Variants in FBXO2 observed in about 807,000 individuals in gnomAD.
FBXO2 encodes F-box protein 2.
A neutral mutation model predicts 38.6 loss-of-function variants in FBXO2; 32 were observed. The ratio of observed to expected loss-of-function variants is 0.83; its 90% CI spans 0.62 to 1.11. FBXO2 has a LOEUF of 1.11. FBXO2 is among the 50% of genes most tolerant of loss of function. The pLI is 0.00. For synonymous variants in FBXO2, 189 were observed against 182.9 expected, an observed-to-expected ratio of 1.03 and a Z score of -0.27; for missense variants, 450 against 418.3, an observed-to-expected ratio of 1.08 and a Z score of -0.66.
intron 1 of FBXO2, among the ~76,000 whole-genome samples, chr1:11,652,828 T>C (rs1639550320): frequency 6.6e-6 from 1 of 152,022 alleles, no homozygotes; most frequent in Admixed American, 6.6e-5. Flanking sequence ...ATATGCAGCC[T>C]CTCCTCCCTG....
intron 1 of FBXO2, among the ~76,000 whole-genome samples, chr1:11,651,501 C>A (rs1462464422): frequency 6.6e-6 from 1 of 152,162 alleles, no homozygotes; most frequent in Non-Finnish European, 1.5e-5. Context: ...CATACCACTT[C>A]TTTGAGGTTG....
At position 11,650,638 on chromosome 1, in the gene FBXO2, C is replaced by A; in HGVS notation, c.219G>T (p.Leu73=). The A allele has an allele frequency of 6.3e-7, 1 of 1,576,802 alleles. No individual in the cohort carries two copies. Among genetic ancestry groups the A allele is most frequent in the East Asian group, 2.3e-5 (1 of 43,436 alleles). ...CCAGCTCCTTCCAGCGCAGGCACAC[C>A]AGGCGGCAGGCCTGCACCAGCTCGG... The part of the protein sequence containing the change: ...PAAELVQACR[L]VCLRWKELVD... The change falls in exon 2 of 6, where the codon CTG becomes CTT. Residue 73 remains leucine (L), a synonymous_variant. Coordinates refer to ENST00000354287, the MANE Select transcript of FBXO2 (RefSeq NM_012168.6).
In FBXO2 at chr1:11,648,809, T is replaced by G. The variant is rs777652460; in HGVS notation, c.776A>C (p.Asp259Ala). Residue 259 changes from aspartate to alanine, a missense_variant, in exon 6 of 6, where the codon GAC (aspartate) becomes GCC (alanine). By Grantham distance (126) the Asp-to-Ala change is moderately radical. Transcript: ENST00000354287. The surrounding 1 kb of genome is among the most constrained non-coding windows in gnomAD (Gnocchi z 4.2). ...GACGAAGCGGACGCCCGGCCCGTAG[T>G]CGGTGAAGGTGTGGGAGATCTGGGG... is the stretch of plus-strand genomic sequence containing the variant. ...GWMEISHTFT[D>A]YGPGVRFVRF... 1 of 1,613,648 alleles carries G rather than the reference T, an allele frequency of 6.2e-7. No individual in the cohort carries two copies. The highest frequency in any genetic ancestry group is 8.5e-7 in the Non-Finnish European group (1 of 1,180,006).
chr1:11,649,515 ACT>A (rs1192390063), intron 4 of FBXO2: 1 of 587,478 alleles, frequency 1.7e-6, no homozygotes, highest in Non-Finnish European at 3.0e-6. Context: ...TGGACCGCAG[ACT>A]GATTTTGAAA....
intron 1 of FBXO2, among the ~76,000 whole-genome samples, chr1:11,651,060 C>T (rs947553673): frequency 6.6e-6 from 1 of 152,230 alleles, no homozygotes; most frequent in Non-Finnish European, 1.5e-5. Context: ...AGGCCTATTT[C>T]CTCTGCTGGA....
chr1:11,649,907 C>T, intron 3 of FBXO2, 33 bp from the exon 4 acceptor site: 1 of 1,613,936 alleles, frequency 6.2e-7, no homozygotes, highest in South Asian at 1.1e-5. Context: ...AGAGCGAACG[C>T]TCCCCCCTTC....
At chr1:11,653,300 T>G (rs1397901755) in intron 1 of FBXO2, 1 of 152,010 alleles carries the variant, frequency 6.6e-6, no homozygotes, top group East Asian at 1.9e-4. Context: ...CCCCCCACCC[T>G]CTCTCTTACA....
chr1:11,651,411 A>G (rs1157049404), intron 1 of FBXO2, among the ~76,000 whole-genome samples: 7 of 152,226 alleles, frequency 4.6e-5, no homozygotes, highest in African/African-American at 1.7e-4. Flanking sequence ...GTCTGTTGTC[A>G]GGAACTCATG....
rs755537773 is a variant in FBXO2 at position 11,649,886 on chromosome 1, G to T, written c.522-12C>A. 2 of 1,614,010 alleles carry T rather than the reference G, an allele frequency of 1.2e-6. No homozygotes were observed. The highest frequency in any genetic ancestry group is 2.2e-5 in the South Asian group (2 of 91,080). ...CTTTGCGACACCACCTGGGAGAACT[G>T]GAGTTAGGACAGAGCGAACGCTCCC... On this transcript the variant is annotated splice_polypyrimidine_tract_variant and intron_variant, in intron 3 of 5. Coordinates refer to ENST00000354287, the MANE Select transcript of FBXO2 (RefSeq NM_012168.6).
Position 11,648,926 on chromosome 1 carries a change from G to T in FBXO2, c.757-98C>A. 6.5e-7 allele frequency: 1 copy of T among 1,548,318 alleles called. No individual in the cohort carries two copies. The highest frequency in any genetic ancestry group is 1.4e-5 in the African/African-American group (1 of 73,888). On this transcript the variant is annotated intron_variant, in intron 5 of 5. Transcript: ENST00000354287. The surrounding 1 kb of genome is among the most constrained non-coding windows in gnomAD (Gnocchi z 4.2). Reference sequence around the variant, plus strand: ...GACCGACCTGCAGCTCCCCCACTCGGTTTCTCCGCGGTATTCAGAACTCTC... The same window carrying T: ...GACCGACCTGCAGCTCCCCCACTCGTTTTCTCCGCGGTATTCAGAACTCTC...
At chr1:11,649,004 A>AGCCCAGCCCT (rs1345552017) in intron 5 of FBXO2, 83 bp downstream of exon 5, 94 of 1,283,718 alleles carry the variant, frequency 7.3e-5, no homozygotes, top group South Asian at 3.3e-4. Flanking sequence ...ACCCCAGCCC[A>AGCCCAGCCCT]GGAGCGCTGT....
At chr1:11,649,741 G>A (rs761284954) in intron 4 of FBXO2, 38 bp downstream of exon 4, 9 of 1,595,632 alleles carry the variant, frequency 5.6e-6, no homozygotes, top group Non-Finnish European at 7.7e-6. Context: ...GCCTTACCCC[G>A]CTCCTCCCAG....
chr1:11,649,030 G>A lies in FBXO2; in HGVS notation c.756+57C>T, dbSNP rs1639467805. ...GGAGCGCTGTGGGCGGGGTCTCCTC[G>A]AGCCACGCCCCTCATGTCCGTGCCC... On this transcript the variant is annotated intron_variant, in intron 5 of 5. Transcript: ENST00000354287. 4 of 1,496,580 alleles carry A rather than the reference G, an allele frequency of 2.7e-6. No individual in the cohort carries two copies. The African/African-American group carries it at 5.5e-5, about 21-fold the overall frequency. 92.7% of individuals were successfully genotyped at this position (1,496,580 alleles called of 1,614,324 possible).
intron 1 of FBXO2, among the ~76,000 whole-genome samples, chr1:11,651,234 G>A (rs1180060392): frequency 2.6e-5 from 4 of 152,120 alleles, no homozygotes; most frequent in Non-Finnish European, 5.9e-5. Context: ...AGCCTTCCGG[G>A]ACTTCCCCCT....
chr1:11,652,189 G>A (rs1277981967), intron 1 of FBXO2, among the ~76,000 whole-genome samples: 2 of 152,194 alleles, frequency 1.3e-5, no homozygotes, highest in Non-Finnish European at 2.9e-5. Flanking sequence ...CTTGTTGAAG[G>A]ACACACTGCC....
chr1:11,653,105 C>T (rs1417127529), intron 1 of FBXO2, among the ~76,000 whole-genome samples: 4 of 152,232 alleles, frequency 2.6e-5, no homozygotes, highest in African/African-American at 4.8e-5. Context: ...CCTGAAGTCA[C>T]ATCACCTGCC....
Position 11,650,477 on chromosome 1 carries a change from G to A in FBXO2, c.380C>T (p.Pro127Leu). ...CGAGGGCCTCTCACCTTCCCCACAC[G>A]GGTTACGCAGAAGGTTGCGGCGCCG... ...SKRRRNLLRN[P>L]CGEEDLEGWC... Residue 127 changes from proline to leucine, a missense_variant, in exon 2 of 6, where the codon CCG becomes CTG. By Grantham distance (98) the Pro-to-Leu change is moderately conservative (BLOSUM62 -3). Transcript: ENST00000354287. 1 of 1,609,310 alleles carries A rather than the reference G, an allele frequency of 6.2e-7. No individual in the cohort carries two copies. Among genetic ancestry groups the A allele is most frequent in the East Asian group, 2.2e-5 (1 of 44,742 alleles).
chr1:11,650,673 G>A lies in FBXO2; in HGVS notation c.184C>T (p.Leu62=). The change falls in exon 2 of 6, where the codon CTG becomes TTG. Residue 62 remains leucine (L), a synonymous_variant. Transcript: ENST00000354287. ...GCCTGCACCAGCTCGGCGGCCGGCA[G>A]TGCGGCCAGCACGCGCAGCAGCAGC... is the stretch of plus-strand genomic sequence containing the variant. ...EPLLLRVLAA[L]PAAELVQACR... is the part of the protein sequence containing the mutation. 6.5e-7 allele frequency: 1 copy of A among 1,542,894 alleles called. No individual in the cohort carries two copies. The highest frequency in any genetic ancestry group is 8.7e-7 in the Non-Finnish European group (1 of 1,150,138).
At position 11,654,300 on chromosome 1, in the gene FBXO2, C is replaced by G. The variant is rs910024028; in HGVS notation, c.22+19G>C. The G allele has an allele frequency of 6.7e-7, 1 of 1,485,822 alleles. No homozygotes were observed. Among genetic ancestry groups the G allele is most frequent in the Non-Finnish European group, 8.9e-7 (1 of 1,124,872 alleles). The allele number at this position is 1,485,822 out of a possible 1,614,324, so 92.0% of individuals were successfully genotyped here. A position where few individuals can be genotyped will look rare whatever the true frequency, so the allele number is the denominator to read the frequency against. On this transcript the variant is annotated intron_variant, in intron 1 of 5. Coordinates refer to ENST00000354287, the MANE Select transcript of FBXO2 (RefSeq NM_012168.6). ...CATCTCCCCTCCCCGCCGCAGCGAG[C>G]GGTCCAGGCGTCGGCTACCTGGGTC...
Sources: allele counts gnomAD v4.1 joint callset (sites outside exome capture counted in the v4.1 genomes callset), GRCh38; gene constraint gnomAD v4.1.1; non-coding constraint Gnocchi (gnomAD v3.1); transcripts MANE v1.5; gene names NCBI Gene and HGNC (gene_info 2026-07-23, HGNC 2026-07-21).